The following ITGA8 variants were observed in gnomAD, a reference collection of about 807,000 sequenced individuals.
ITGA8 encodes integrin subunit alpha 8.
A neutral mutation model predicts 142.3 loss-of-function variants in ITGA8; 91 were observed. That is an observed-to-expected ratio of 0.64 (90% CI 0.54 to 0.76). The LOEUF (loss-of-function observed/expected upper bound fraction) is 0.76, where lower values mean the gene tolerates loss of function less well. Among genes scored for constraint, ITGA8 ranks in the 30% least tolerant of loss-of-function variants. The pLI is 0.00. For synonymous variants in ITGA8, 505 were observed against 485.2 expected (o/e 1.04, Z -0.54); for missense variants, 1,406 against 1,327.7 (o/e 1.06, Z -0.92).
intron 11 of ITGA8, among the ~76,000 whole-genome samples, chr10:15,650,911 T>G (rs1246240126): frequency 6.6e-6 from 1 of 152,204 alleles, no homozygotes; most frequent in Non-Finnish European, 1.5e-5. Context: ...ATGGTTTAAT[T>G]TTTTAGAGTT....
intron 4 of ITGA8, among the ~76,000 whole-genome samples, chr10:15,680,647 C>T (rs1207311697): frequency 6.6e-6 from 1 of 152,014 alleles, no homozygotes; most frequent in Non-Finnish European, 1.5e-5. Flanking sequence ...TTAAAAATCC[C>T]TTTTAAATTC....
chr10:15,588,722 A>G (rs1180772722), intron 22 of ITGA8, among the ~76,000 whole-genome samples: 3 of 152,180 alleles, frequency 2.0e-5, no homozygotes, highest in African/African-American at 7.2e-5. Flanking sequence ...TTTTCTTCCC[A>G]AGTGGTTTCA....
Position 15,597,025 on chromosome 10 carries a change from G to A in ITGA8, c.2211+182C>T, listed in dbSNP as rs142117402. On this transcript the variant is annotated intron_variant, in intron 21 of 29. Transcript: ENST00000378076. The stretch of plus-strand genomic sequence containing the variant: ...GAGCATGCATCTTTCTGTGTTTTTA[G>A]CTTGAGACGATTCACTCTGTGTAGG... The A allele has an allele frequency of 1.2e-3, 683 of 582,870 alleles. 4 individuals carry two copies. The highest frequency in any genetic ancestry group is 0.011 in the African/African-American group (614 of 53,904). 36.1% of individuals were successfully genotyped at this position (582,870 alleles called of 1,614,324 possible).
chr10:15,680,291 G>A (rs1019667210), intron 4 of ITGA8, among the ~76,000 whole-genome samples: 2 of 127,010 alleles, frequency 1.6e-5, no homozygotes, highest in African/African-American at 6.0e-5. Flanking sequence ...GCAGTGGCGC[G>A]ATCTCAGCTC....
chr10:15,602,436 T>TA (rs908323452), intron 20 of ITGA8, among the ~76,000 whole-genome samples: 15 of 151,924 alleles, frequency 9.9e-5, no homozygotes, highest in East Asian at 1.9e-4. Context: ...TGAAGAGGAT[T>TA]AAAAAAAATC....
chr10:15,561,069 T>C (rs564438303), intron 25 of ITGA8, among the ~76,000 whole-genome samples: 5 of 151,844 alleles, frequency 3.3e-5, no homozygotes, highest in Admixed American at 3.3e-4. Context: ...AATTTCATTT[T>C]TGTAAAGACA....
chr10:15,705,623 C>T (rs1256204906), intron 2 of ITGA8, among the ~76,000 whole-genome samples: 1 of 152,178 alleles, frequency 6.6e-6, no homozygotes, highest in Non-Finnish European at 1.5e-5. Context: ...TATTAAATTT[C>T]TCTGGTCCCA....
rs554823411 is a variant in ITGA8 at position 15,655,460 on chromosome 10, G to A, written c.949-54C>T. The A allele has an allele frequency of 3.4e-6, 4 of 1,160,548 alleles. No individual in the cohort carries two copies. The South Asian group carries it at 5.0e-5, about 15-fold the overall frequency. The allele number at this position is 1,160,548 out of a possible 1,614,324, so 71.9% of individuals were successfully genotyped here. A position where few individuals can be genotyped will look rare whatever the true frequency, so the allele number is the denominator to read the frequency against. Reference sequence around the variant, plus strand: ...TTGTGTCCAAAAAGTCATTTTTGTAGTCATGTCTCTATTATTCCTGAAAGA... The same window carrying A: ...TTGTGTCCAAAAAGTCATTTTTGTAATCATGTCTCTATTATTCCTGAAAGA... On this transcript the variant is annotated intron_variant, in intron 10 of 29. Coordinates refer to ENST00000378076, the MANE Select transcript of ITGA8 (RefSeq NM_003638.3).
intron 25 of ITGA8, among the ~76,000 whole-genome samples, chr10:15,563,950 A>G (rs780412390): frequency 9.2e-5 from 14 of 152,092 alleles, no homozygotes; most frequent in Non-Finnish European, 2.1e-4. Context: ...CAATACCCCA[A>G]AGAAAACTCT....
chr10:15,703,211 T>C (rs576185404), intron 2 of ITGA8, among the ~76,000 whole-genome samples: 13 of 152,336 alleles, frequency 8.5e-5, no homozygotes, highest in African/African-American at 2.9e-4. Flanking sequence ...GCCTATTGTA[T>C]AGTTTTCCTG....
At chr10:15,562,653 G>A (rs988119831) in intron 25 of ITGA8, among the ~76,000 whole-genome samples, 1 of 152,170 alleles carries the variant, frequency 6.6e-6, no homozygotes, top group South Asian at 2.1e-4. Flanking sequence ...GAGGAGAAAG[G>A]AAAGTTGAGT....
chr10:15,531,124 A>T lies in ITGA8; in HGVS notation c.2908T>A (p.Ser970Thr), dbSNP rs754117596. The change falls in exon 28 of 30, where the codon TCC (serine) becomes ACC (threonine). Residue 970 changes from serine to threonine, a missense_variant. By Grantham distance (58) the Ser-to-Thr change is moderately conservative. Coordinates refer to ENST00000378076, the MANE Select transcript of ITGA8 (RefSeq NM_003638.3). ...TTCTTAACTTCAAAGGACACCAGGG[A>T]TGCAAGAGCATAGGGATCATTTTTT... ...QRKNDPYALASLVSFEVKKMP... is the reference protein window; with the variant it reads ...QRKNDPYALATLVSFEVKKMP... 2.6e-6 allele frequency: 4 copies of T among 1,559,584 alleles called. No homozygotes were observed. Among genetic ancestry groups the T allele is most frequent in the Admixed American group, 2.0e-5 (1 of 50,366 alleles).
chr10:15,657,159 C>T (rs189731605), intron 10 of ITGA8, among the ~76,000 whole-genome samples: 2 of 152,206 alleles, frequency 1.3e-5, no homozygotes, highest in African/African-American at 4.8e-5. Flanking sequence ...GATTACAGAA[C>T]TAGGTGGTAT....
chr10:15,634,359 A>T lies in ITGA8; in HGVS notation c.1399+9671T>A, dbSNP rs545945166. Among the ~76,000 whole-genome samples the T allele has an allele frequency of 2.0e-5, 3 of 152,144 alleles. No individual in the cohort carries two copies. In the South Asian group the frequency reaches 6.2e-4, roughly 32 times the overall value. On this transcript the variant is annotated intron_variant, in intron 13 of 29. Transcript: ENST00000378076. ...TAGATGCTATTCACACCATTAACTG[A>T]TTTATACATATTATCTAGCTGAACC...
chr10:15,700,565 C>T (rs1835143530), intron 2 of ITGA8, among the ~76,000 whole-genome samples: 1 of 152,148 alleles, frequency 6.6e-6, no homozygotes, highest in African/African-American at 2.4e-5. Flanking sequence ...AGATAGATAG[C>T]TGGGACTTAA....
chr10:15,614,987 C>T (rs1232891106), intron 14 of ITGA8, among the ~76,000 whole-genome samples: 1 of 152,098 alleles, frequency 6.6e-6, no homozygotes, highest in Non-Finnish European at 1.5e-5. Context: ...AAGGGAAGGA[C>T]AGAGGACTGG....
chr10:15,684,575 G>C (rs1319988737), intron 3 of ITGA8, among the ~76,000 whole-genome samples: 1 of 151,868 alleles, frequency 6.6e-6, no homozygotes, highest in Non-Finnish European at 1.5e-5. Context: ...ATCTTATTAT[G>C]TTGCTCCAAC....
chr10:15,530,456 G>A (rs911471859), intron 28 of ITGA8, among the ~76,000 whole-genome samples: 1 of 133,148 alleles, frequency 7.5e-6, no homozygotes, highest in African/African-American at 2.8e-5. Context: ...TGAGGCAGAA[G>A]AATTGCTTGA....
intron 27 of ITGA8, among the ~76,000 whole-genome samples, chr10:15,536,957 G>A (rs1051443257): frequency 3.9e-5 from 6 of 152,088 alleles, no homozygotes; most frequent in African/African-American, 7.2e-5. Flanking sequence ...TATGTAGCCC[G>A]TTTTGAAATA....
Sources: allele counts gnomAD v4.1 joint callset (sites outside exome capture counted in the v4.1 genomes callset), GRCh38; gene constraint gnomAD v4.1.1; transcripts MANE v1.5; gene names NCBI Gene and HGNC (gene_info 2026-07-23, HGNC 2026-07-21).